The following PPP6R2 variants were observed in gnomAD, a reference collection of about 807,000 sequenced individuals.
PPP6R2 encodes the protein serine/threonine-protein phosphatase 6 regulatory subunit 2.
In PPP6R2, 62 loss-of-function variants were observed where a neutral mutation model predicts 100.2. The observed-to-expected ratio is 0.62, with a 90% CI of 0.50 to 0.76. The LOEUF (loss-of-function observed/expected upper bound fraction) is 0.76, where lower values mean the gene tolerates loss of function less well. Among genes scored for constraint, PPP6R2 ranks in the 30% least tolerant of loss-of-function variants. The pLI, the probability that PPP6R2 is intolerant of heterozygous loss-of-function variation, is 0.00. For missense variants in PPP6R2, 1,142 were observed against 1,276.3 expected, an observed-to-expected ratio of 0.89 and a Z score of 1.60; for synonymous variants, 525 against 514.7, an observed-to-expected ratio of 1.02 and a Z score of -0.27.
intron 12 of PPP6R2, 90 bp downstream of exon 12, chr22:50,432,419 A>G (rs2063330817): frequency 8.1e-7 from 1 of 1,241,806 alleles, no homozygotes; most frequent in Non-Finnish European, 1.2e-6. Flanking sequence ...CGCTGCGTGC[A>G]GGACTGCAGG....
chr22:50,356,943 A>C (rs1195300018), intron 1 of PPP6R2, among the ~76,000 whole-genome samples: 1 of 151,556 alleles, frequency 6.6e-6, no homozygotes. Context: ...CAAAAAAAAA[A>C]CAAAAAAGCA....
chr22:50,414,066 C>T (rs192460873), intron 4 of PPP6R2, among the ~76,000 whole-genome samples: 33 of 152,334 alleles, frequency 2.2e-4, no homozygotes, highest in African/African-American at 7.7e-4. Flanking sequence ...TCTAAAACCT[C>T]AGTCTTCTTT....
chr22:50,431,453 G>A lies in PPP6R2; in HGVS notation c.1335+71G>A. 7.2e-7 allele frequency: 1 copy of A among 1,391,914 alleles called. No individual in the cohort carries two copies. The highest frequency in any genetic ancestry group is 1.2e-5 in the South Asian group (1 of 81,074). 86.2% of individuals were successfully genotyped at this position (1,391,914 alleles called of 1,614,324 possible). ...CTCAGACCGTGTCCATGTCAGCGCTGACGTGTGCCGGACCTCACTGTGCAG... is the reference window on the plus strand; with the variant it reads ...CTCAGACCGTGTCCATGTCAGCGCTAACGTGTGCCGGACCTCACTGTGCAG... On this transcript the variant is annotated intron_variant, in intron 11 of 23. Coordinates refer to ENST00000612753, the MANE Select transcript of PPP6R2 (RefSeq NM_001242898.2). This position sits in a 1 kb window ranked among gnomAD's most constrained non-coding sequence, Gnocchi z 4.8.
At chr22:50,435,946 C>T (rs773118186) in intron 13 of PPP6R2, among the ~76,000 whole-genome samples, 12 of 152,198 alleles carry the variant, frequency 7.9e-5, no homozygotes, top group Non-Finnish European at 5.9e-5. Context: ...GCAGGACACG[C>T]GCCCAGGCCT....
Position 50,444,131 on chromosome 22 carries a change from GT to G in PPP6R2, c.2831+15del. On this transcript the variant is annotated intron_variant, in intron 23 of 23. Transcript: ENST00000612753. Reference sequence around the variant, plus strand: ...GACAAAGGACGGGTGAGCAGGTTGAGTGTGGGGGTAGGGGGTGTGGACAGGG... The same window carrying G: ...GACAAAGGACGGGTGAGCAGGTTGAGGTGGGGGTAGGGGGTGTGGACAGGG... 1.9e-6 allele frequency: 3 copies of G among 1,611,828 alleles called. No individual in the cohort carries two copies. Among genetic ancestry groups the G allele is most frequent in the Non-Finnish European group, 2.5e-6 (3 of 1,178,456 alleles).
chr22:50,425,881 G>GT (rs549811034), intron 10 of PPP6R2, among the ~76,000 whole-genome samples: 36,775 of 138,322 alleles, frequency 0.27, 4,783 homozygotes, highest in Non-Finnish European at 0.31. Context: ...TTTTTTTTTT[G>GT]TTTTTTTTTT....
upstream of PPP6R2, among the ~76,000 whole-genome samples, chr22:50,340,373 T>C (rs1469374586): frequency 7.5e-6 from 1 of 133,710 alleles, no homozygotes; most frequent in East Asian, 2.2e-4. Context: ...GTGTGTGGTA[T>C]GTGGTGTGTA....
chr22:50,425,881 G>GTTTTTTTTTTTT (rs549811034), intron 10 of PPP6R2, among the ~76,000 whole-genome samples: 1 of 138,482 alleles, frequency 7.2e-6, no homozygotes, highest in Non-Finnish European at 1.6e-5. Flanking sequence ...TTTTTTTTTT[G>GTTTTTTTTTTTT]TTTTTTTTTT....
chr22:50,391,432 CA>C (rs57682271), intron 2 of PPP6R2, among the ~76,000 whole-genome samples: 3,144 of 65,150 alleles, frequency 0.048, 26 homozygotes, highest in Non-Finnish European at 0.064. Context: ...GACTCCGTCT[CA>C]AAAAAAAAAA....
chr22:50,346,645 CGTCA>C (rs1458984752), intron 1 of PPP6R2, among the ~76,000 whole-genome samples: 4 of 146,258 alleles, frequency 2.7e-5, no homozygotes, highest in Non-Finnish European at 6.0e-5. Flanking sequence ...TGCCCCCCAC[CGTCA>C]GTCAGTGCCC....
intron 3 of PPP6R2, among the ~76,000 whole-genome samples, chr22:50,401,155 C>T (rs2057949476): frequency 6.6e-6 from 1 of 152,154 alleles, no homozygotes; most frequent in African/African-American, 2.4e-5. Flanking sequence ...ATCTCAGCCT[C>T]CCAAGCAGTT....
At chr22:50,382,960 C>T (rs556705064) in intron 2 of PPP6R2, among the ~76,000 whole-genome samples, 2 of 151,954 alleles carry the variant, frequency 1.3e-5, no homozygotes, top group African/African-American at 2.4e-5. Flanking sequence ...GCCTCAGTCT[C>T]CCGAGTAGCT....
intron 1 of PPP6R2, among the ~76,000 whole-genome samples, chr22:50,348,932 C>T (rs1027328768): frequency 2.6e-5 from 4 of 152,152 alleles, no homozygotes; most frequent in African/African-American, 9.7e-5. Flanking sequence ...TGGCTCACGC[C>T]TGTAATCCCA....
Position 50,437,622 on chromosome 22 carries a change from C to A in PPP6R2, c.1781+19C>A, listed in dbSNP as rs541703045. On this transcript the variant is annotated intron_variant, in intron 16 of 23. Coordinates refer to ENST00000612753, the MANE Select transcript of PPP6R2 (RefSeq NM_001242898.2). ...ACATCAAGTGAGTCTACTTGGAGCGCACTCTGCACGAGGCGCGGCTCTCCC... is the reference window on the plus strand; with the variant it reads ...ACATCAAGTGAGTCTACTTGGAGCGAACTCTGCACGAGGCGCGGCTCTCCC... 37 of 1,575,572 alleles carry A rather than the reference C, an allele frequency of 2.3e-5. No homozygotes were observed. Among genetic ancestry groups the A allele is most frequent in the Non-Finnish European group, 3.1e-5 (36 of 1,145,174 alleles).
chr22:50,437,705 T>G, intron 16 of PPP6R2, 102 bp downstream of exon 16: 1 of 1,401,262 alleles, frequency 7.1e-7, no homozygotes, highest in Non-Finnish European at 1.0e-6. Context: ...TGCCGTCTGA[T>G]GTCCCCGGGA....
intron 1 of PPP6R2, among the ~76,000 whole-genome samples, chr22:50,362,800 C>T (rs1230045200): frequency 6.6e-6 from 1 of 152,178 alleles, no homozygotes; most frequent in Non-Finnish European, 1.5e-5. Context: ...GGTCTAAGGG[C>T]AGGGAAGACA....
At chr22:50,337,515 T>G in the PPP6R2 span, among the ~76,000 whole-genome samples, 2 of 137,596 alleles carry the variant, frequency 1.5e-5, no homozygotes, top group Non-Finnish European at 3.1e-5. Context: ...GTGTGTGGGG[T>G]GTGTGCGTGT....
intron 3 of PPP6R2, among the ~76,000 whole-genome samples, chr22:50,398,110 A>ATCAC (rs1451303065): frequency 6.6e-6 from 1 of 151,396 alleles, no homozygotes; most frequent in African/African-American, 2.4e-5. Context: ...AGGTGGGAGG[A>ATCAC]TCACTTACGC....
Position 50,435,789 on chromosome 22 carries a change from T to G in PPP6R2, c.1517-578T>G, listed in dbSNP as rs566082223. 5.3e-5 allele frequency among the ~76,000 whole-genome samples: 8 copies of G among 151,934 alleles called. No individual in the cohort carries two copies. In the South Asian group the frequency reaches 1.7e-3, roughly 32 times the overall value. On this transcript the variant is annotated intron_variant, in intron 13 of 23. Coordinates refer to ENST00000612753, the MANE Select transcript of PPP6R2 (RefSeq NM_001242898.2). ...CTTCCCCACATCCTGGAGGGCAAAGTAGATGGGTGGAGGTGGAGGCCAGGG... is the reference window on the plus strand; with the variant it reads ...CTTCCCCACATCCTGGAGGGCAAAGGAGATGGGTGGAGGTGGAGGCCAGGG...
Sources: allele counts gnomAD v4.1 joint callset (sites outside exome capture counted in the v4.1 genomes callset), GRCh38; gene constraint gnomAD v4.1.1; non-coding constraint Gnocchi (gnomAD v3.1); transcripts MANE v1.5; gene names NCBI Gene and HGNC (gene_info 2026-07-23, HGNC 2026-07-21).